DYRK1A: variants seen among roughly 807,000 people sequenced by gnomAD.
DYRK1A encodes dual specificity tyrosine-phosphorylation-regulated kinase 1A.
DYRK1A carries 9 observed loss-of-function variants against 79.7 expected under a neutral mutation model. The observed-to-expected ratio is 0.11, with a 90% CI of 0.07 to 0.20. DYRK1A has a LOEUF of 0.20. DYRK1A is among the 10% of genes least tolerant of loss of function. The pLI, the probability that DYRK1A is intolerant of heterozygous loss-of-function variation, is 1.00. For synonymous variants in DYRK1A, 349 were observed against 329.7 expected, an observed-to-expected ratio of 1.06 and a Z score of -0.63; for missense variants, 622 against 956.0, an observed-to-expected ratio of 0.65 and a Z score of 4.61.
At chr21:37,452,925 A>AT (rs1452635695) in intron 2 of DYRK1A, among the ~76,000 whole-genome samples, 1 of 152,066 alleles carries the variant, frequency 6.6e-6, no homozygotes, top group South Asian at 2.1e-4. Flanking sequence ...TGTAATTTAA[A>AT]TTTTTCTAGG....
intron 1 of DYRK1A, among the ~76,000 whole-genome samples, chr21:37,405,679 C>T (rs566364952): frequency 1.2e-4 from 18 of 152,216 alleles, no homozygotes; most frequent in Non-Finnish European, 2.5e-4. Context: ...AGTCCTCCTT[C>T]CCCAAATCTA....
intron 1 of DYRK1A, among the ~76,000 whole-genome samples, chr21:37,377,576 C>T (rs2049572339): frequency 6.6e-6 from 1 of 152,170 alleles, no homozygotes; most frequent in Admixed American, 6.5e-5. Flanking sequence ...TCAAGCGATC[C>T]TCTCACCTTA....
intron 2 of DYRK1A, among the ~76,000 whole-genome samples, chr21:37,446,965 T>A (rs1056903393): frequency 1.3e-5 from 2 of 152,094 alleles, no homozygotes; most frequent in Non-Finnish European, 2.9e-5. Context: ...TTGTTACTAG[T>A]CTTGCCACCA....
intron 1 of DYRK1A, among the ~76,000 whole-genome samples, chr21:37,404,788 G>A (rs186459120): frequency 6.6e-6 from 1 of 152,180 alleles, no homozygotes; most frequent in African/African-American, 2.4e-5. Context: ...TTATTTTCTT[G>A]TACAGAAGCA....
intron 1 of DYRK1A, among the ~76,000 whole-genome samples, chr21:37,403,257 C>T (rs888735379): frequency 6.6e-6 from 1 of 151,960 alleles, no homozygotes; most frequent in African/African-American, 2.4e-5. Context: ...TCTGTTCACA[C>T]ATTAAAGACC....
chr21:37,488,371 A>AT (rs750293328), intron 6 of DYRK1A: 2 of 885,652 alleles, frequency 2.3e-6, no homozygotes, highest in East Asian at 1.2e-4. Context: ...AGTCATATTG[A>AT]TTTTTATGAT....
chr21:37,468,399 G>A (rs1219400611), intron 2 of DYRK1A, among the ~76,000 whole-genome samples: 3 of 152,056 alleles, frequency 2.0e-5, no homozygotes, highest in African/African-American at 2.4e-5. Flanking sequence ...GAGCCCCTGC[G>A]CCTGGCCTGC....
intron 1 of DYRK1A, among the ~76,000 whole-genome samples, chr21:37,409,230 C>G (rs1048536112): frequency 1.3e-5 from 2 of 152,116 alleles, no homozygotes; most frequent in Non-Finnish European, 2.9e-5. Flanking sequence ...TAAAAAGAAG[C>G]AGCTGTGTAT....
intron 1 of DYRK1A, among the ~76,000 whole-genome samples, chr21:37,403,104 C>A (rs1417841967): frequency 2.0e-5 from 3 of 151,974 alleles, no homozygotes; most frequent in Non-Finnish European, 2.9e-5. Flanking sequence ...TCCAAGTTTG[C>A]TGATTTTTTT....
Position 37,490,329 on chromosome 21 carries a change from G to C in DYRK1A, c.792G>C (p.Leu264=), listed in dbSNP as rs2053042241. 6.2e-7 allele frequency: 1 copy of C among 1,613,616 alleles called. No homozygotes were observed. The highest frequency in any genetic ancestry group is 1.3e-5 in the African/African-American group (1 of 74,888). ...RKFAQQMCTA[L]LFLATPELSI... ...TTGCGCAACAGATGTGCACTGCACTGCTTTTCCTTGCGACTCCAGAACTTA... is the reference window on the plus strand; with the variant it reads ...TTGCGCAACAGATGTGCACTGCACTCCTTTTCCTTGCGACTCCAGAACTTA... The change falls in exon 7 of 12, where the codon CTG becomes CTC. Residue 264 remains leucine (L), a synonymous_variant. Coordinates refer to ENST00000647188, the MANE Select transcript of DYRK1A (RefSeq NM_001347721.2).
chr21:37,414,925 C>T (rs2050308648), intron 1 of DYRK1A, among the ~76,000 whole-genome samples: 1 of 152,164 alleles, frequency 6.6e-6, no homozygotes, highest in African/African-American at 2.4e-5. Context: ...TGGTAGTTTA[C>T]ATATTTTGAG....
chr21:37,519,333 C>T lies in DYRK1A; in HGVS notation c.*6802C>T, dbSNP rs1011169568. 6.6e-6 allele frequency: 1 copy of T among 152,268 alleles called. No homozygotes were observed. The highest frequency in any genetic ancestry group is 1.5e-5 in the Non-Finnish European group (1 of 68,088). 9.4% of individuals were successfully genotyped at this position (152,268 alleles called of 1,614,324 possible). A position where few individuals can be genotyped will look rare whatever the true frequency, so the allele number is the denominator to read the frequency against. On this transcript the variant is annotated 3_prime_UTR_variant, in exon 12 of 12. Coordinates refer to ENST00000647188, the MANE Select transcript of DYRK1A (RefSeq NM_001347721.2). ...ATCCCACTGCTCCTCTCATTGGCTT[C>T]GTGACCCTGGGTACGCTGCTCAACT...
chr21:37,460,793 TTAGTAC>T (rs2051814408), intron 2 of DYRK1A, among the ~76,000 whole-genome samples: 1 of 152,214 alleles, frequency 6.6e-6, no homozygotes. Context: ...TGCCAATAAC[TTAGTAC>T]TAGGTGGTAT....
intron 8 of DYRK1A, among the ~76,000 whole-genome samples, chr21:37,495,152 T>TTGTGTGTGTGTGTGTG (rs56226706): frequency 7.3e-6 from 1 of 137,648 alleles, no homozygotes; most frequent in East Asian, 2.2e-4. Flanking sequence ...CTCTGGGATT[T>TTGTGTGTGTGTGTGTG]TGTGTGTGTG....
At position 37,509,318 on chromosome 21, in the gene DYRK1A, A is replaced by G. The variant is rs1472930824; in HGVS notation, c.1645-2593A>G. ...ATCTTGGTTTTTCTAGTCTTGACAT[A>G]TATTTTGGAGCACTTTCTGTATATC... On this transcript the variant is annotated intron_variant, in intron 11 of 11. Coordinates refer to ENST00000647188, the MANE Select transcript of DYRK1A (RefSeq NM_001347721.2). Among the ~76,000 whole-genome samples the G allele has an allele frequency of 2.0e-5, 3 of 152,226 alleles. 1 individual carries two copies. The highest frequency in any genetic ancestry group is 4.1e-4 in the South Asian group (2 of 4,834).
At chr21:37,444,905 T>G (rs768655028) in intron 2 of DYRK1A, among the ~76,000 whole-genome samples, 2 of 152,156 alleles carry the variant, frequency 1.3e-5, no homozygotes, top group Non-Finnish European at 2.9e-5. Flanking sequence ...GAGATTTTTC[T>G]GGGTAGGTGC....
chr21:37,405,820 G>A (rs1569296718), intron 1 of DYRK1A, among the ~76,000 whole-genome samples: 1 of 152,104 alleles, frequency 6.6e-6, no homozygotes, highest in Non-Finnish European at 1.5e-5. Context: ...CGAGGTAGAG[G>A]CACAGTGACA....
intron 5 of DYRK1A, 161 bp downstream of exon 5, chr21:37,480,987 T>A: frequency 1.7e-6 from 1 of 579,546 alleles, no homozygotes; most frequent in Non-Finnish European, 2.9e-6. Context: ...TTAAAGGTAG[T>A]GATACTGCAT....
intron 1 of DYRK1A, among the ~76,000 whole-genome samples, chr21:37,376,093 T>C (rs114757068): frequency 0.011 from 1,653 of 151,904 alleles, 32 homozygotes; most frequent in African/African-American, 0.038. Flanking sequence ...CTGGGAGTGG[T>C]CAAAGGGGAG....
Sources: allele counts gnomAD v4.1 joint callset (sites outside exome capture counted in the v4.1 genomes callset), GRCh38; gene constraint gnomAD v4.1.1; transcripts MANE v1.5; gene names NCBI Gene and HGNC (gene_info 2026-07-23, HGNC 2026-07-21).